HTR4: variants seen among roughly 807,000 people sequenced by gnomAD.
The protein encoded by HTR4 is 5-hydroxytryptamine receptor 4.
A neutral mutation model predicts 36.8 loss-of-function variants in HTR4; 16 were observed. That is an observed-to-expected ratio of 0.43 (90% CI 0.29 to 0.66). The LOEUF is 0.66. Among genes scored for constraint, HTR4 ranks in the 30% least tolerant of loss-of-function variants. HTR4 has a pLI of 0.13. For synonymous variants in HTR4, 189 were observed against 185.1 expected, an observed-to-expected ratio of 1.02 and a Z score of -0.17; for missense variants, 438 against 490.9, an observed-to-expected ratio of 0.89 and a Z score of 1.02.
At chr5:148,517,348 T>A (rs1757805680) in intron 5 of HTR4, among the ~76,000 whole-genome samples, 1 of 152,128 alleles carries the variant, frequency 6.6e-6, no homozygotes, top group African/African-American at 2.4e-5. Context: ...TTAAATGGCA[T>A]CTAATCTTTG....
chr5:148,640,898 T>C (rs555180011), intron 1 of HTR4, among the ~76,000 whole-genome samples: 1 of 152,302 alleles, frequency 6.6e-6, no homozygotes, highest in South Asian at 2.1e-4. Context: ...GATTGTTACA[T>C]TTTTTGCACT....
intron 1 of HTR4, among the ~76,000 whole-genome samples, chr5:148,638,044 G>T (rs1561663744): frequency 3.3e-5 from 5 of 151,946 alleles, no homozygotes; most frequent in African/African-American, 9.7e-5. Flanking sequence ...CTGGAAATCT[G>T]TTATCTACAT....
chr5:148,587,860 A>G (rs1458125675), intron 2 of HTR4, among the ~76,000 whole-genome samples: 2 of 152,160 alleles, frequency 1.3e-5, no homozygotes, highest in African/African-American at 4.8e-5. Context: ...AGTCCTATTT[A>G]AAAGTGAGAG....
chr5:148,523,154 A>T, intron 5 of HTR4, 39 bp downstream of exon 5: 1 of 1,568,060 alleles, frequency 6.4e-7, no homozygotes, highest in Non-Finnish European at 8.7e-7. Context: ...TGCAAAGTTG[A>T]TCAGACAGTA....
At chr5:148,565,156 C>A (rs1760383605) in intron 2 of HTR4, among the ~76,000 whole-genome samples, 1 of 150,044 alleles carries the variant, frequency 6.7e-6, no homozygotes, top group South Asian at 2.1e-4. Context: ...AAAACACTTA[C>A]AATGTTGTTT....
chr5:148,496,773 T>C (rs1374528903), intron 6 of HTR4, among the ~76,000 whole-genome samples: 4 of 152,234 alleles, frequency 2.6e-5, no homozygotes, highest in African/African-American at 9.6e-5. Context: ...GTTGATTTGT[T>C]AGCAATTCCC....
intron 5 of HTR4, among the ~76,000 whole-genome samples, chr5:148,468,416 A>G (rs969013834): frequency 6.6e-6 from 1 of 152,166 alleles, no homozygotes; most frequent in South Asian, 2.1e-4. Flanking sequence ...GGTCTTATTT[A>G]CAAATATTGA....
chr5:148,473,690 A>T (rs183247241), downstream of HTR4, among the ~76,000 whole-genome samples: 134 of 152,240 alleles, frequency 8.8e-4, no homozygotes, highest in Admixed American at 2.0e-3. Context: ...AACAGCGCAA[A>T]AACACTTGTC....
chr5:148,553,062 C>A (rs1402347094), intron 2 of HTR4, among the ~76,000 whole-genome samples: 1 of 152,212 alleles, frequency 6.6e-6, no homozygotes, highest in Non-Finnish European at 1.5e-5. Flanking sequence ...TTCACATATT[C>A]ATTCATTTAA....
At position 148,523,272 on chromosome 5, in the gene HTR4, C is replaced by T; in HGVS notation, c.428G>A (p.Gly143Glu). 1 of 1,613,422 alleles carries T rather than the reference C, an allele frequency of 6.2e-7. No individual in the cohort carries two copies. The change falls in exon 5 of 7, where the codon GGA (glycine) becomes GAA (glutamate). Residue 143 changes from glycine to glutamate, a missense_variant. Gly to Glu is a moderately conservative substitution (Grantham distance 98). Transcript: ENST00000377888. ...MTPLRIALML[G>E]GCWVIPTFIS... ...AAACGTGGGGATGACCCAGCAGCCTCCCAGCATTAATGCGATGCGCAGAGG... is the reference window on the plus strand; with the variant it reads ...AAACGTGGGGATGACCCAGCAGCCTTCCAGCATTAATGCGATGCGCAGAGG...
At chr5:148,481,435 CT>C, downstream of HTR4, 1 of 821,606 alleles carries the variant, frequency 1.2e-6, no homozygotes, top group Non-Finnish European at 1.9e-6. Flanking sequence ...AGAGATATTT[CT>C]CACGAATTCT....
intron 5 of HTR4, among the ~76,000 whole-genome samples, chr5:148,520,649 G>A (rs1374860476): frequency 6.6e-6 from 1 of 152,116 alleles, no homozygotes; most frequent in African/African-American, 2.4e-5. Flanking sequence ...TCATAATGTT[G>A]TTGTGAAGCC....
At chr5:148,470,999 T>A (rs558001324) in intron 5 of HTR4, among the ~76,000 whole-genome samples, 2 of 152,180 alleles carry the variant, frequency 1.3e-5, no homozygotes, top group Non-Finnish European at 2.9e-5. Context: ...CCTCTAAAAG[T>A]AATTTCTATT....
intron 1 of HTR4, among the ~76,000 whole-genome samples, chr5:148,651,563 T>C (rs1041214627): frequency 6.6e-6 from 1 of 152,050 alleles, no homozygotes. Context: ...TGGCATCTAA[T>C]GAGTGCCAGA....
intron 1 of HTR4, among the ~76,000 whole-genome samples, chr5:148,643,531 A>G (rs765006757): frequency 7.9e-5 from 12 of 152,348 alleles, no homozygotes; most frequent in Middle Eastern, 6.8e-3. Flanking sequence ...GAAAAAAAAG[A>G]GAAGATTCAG....
intron 6 of HTR4, among the ~76,000 whole-genome samples, chr5:148,507,201 AG>A (rs1217790077): frequency 7.9e-5 from 12 of 151,836 alleles, no homozygotes; most frequent in African/African-American, 2.4e-4. Context: ...GCCATAAAAA[AG>A]GATGAGTTCA....
chr5:148,610,581 A>G (rs1450510309), intron 2 of HTR4, among the ~76,000 whole-genome samples: 25 of 148,924 alleles, frequency 1.7e-4, no homozygotes, highest in South Asian at 2.1e-4. Flanking sequence ...TGGGGAAAAA[A>G]CAGAACAGAA....
At position 148,620,754 on chromosome 5, in the gene HTR4, A is replaced by G. The variant is rs73270413; in HGVS notation, c.26+16235T>C. On this transcript the variant is annotated intron_variant, in intron 2 of 6. Transcript: ENST00000377888. ...GTCTGCATTATATTTCTATTGGACA[A>G]CCTGCTCTGTAAAGTCCCTTTTCTG... Among the ~76,000 whole-genome samples, 1,075 of 152,282 alleles carry G rather than the reference A, an allele frequency of 7.1e-3. 8 individuals carry two copies. Among genetic ancestry groups the G allele is most frequent in the African/African-American group, 0.025 (1,025 of 41,562 alleles).
intron 6 of HTR4, among the ~76,000 whole-genome samples, chr5:148,494,004 C>T (rs772167517): frequency 3.3e-5 from 5 of 152,220 alleles, no homozygotes; most frequent in African/African-American, 4.8e-5. Context: ...TAAGTCAACT[C>T]TAAATCATTT....
Sources: gnomAD v4.1 joint callset for allele counts (sites outside exome capture counted in the v4.1 genomes callset) on GRCh38, gnomAD v4.1.1 for gene constraint, MANE v1.5 for transcripts, NCBI Gene and HGNC (gene_info 2026-07-23, HGNC 2026-07-21) for gene names.